CCNF: variants seen among roughly 807,000 people sequenced by gnomAD.
The protein encoded by CCNF is cyclin-F.
A neutral mutation model predicts 85.4 loss-of-function variants in CCNF; 30 were observed. That is an observed-to-expected ratio of 0.35 (90% CI 0.26 to 0.48). CCNF has a LOEUF of 0.48. Among genes scored for constraint, CCNF ranks in the 20% least tolerant of loss-of-function variants. The pLI is 0.99. For missense variants in CCNF, 919 were observed against 1,010.4 expected, an observed-to-expected ratio of 0.91 and a Z score of 1.23; for synonymous variants, 439 against 425.1, an observed-to-expected ratio of 1.03 and a Z score of -0.40.
chr16:2,448,571 T>C (rs1271688451), intron 10 of CCNF, among the ~76,000 whole-genome samples: 2 of 152,204 alleles, frequency 1.3e-5, no homozygotes, highest in South Asian at 2.1e-4. Flanking sequence ...CATGCTCTGC[T>C]AATTTTTTAT....
chr16:2,456,776 G>A lies in CCNF; in HGVS notation c.2117G>A (p.Ser706Asn), dbSNP rs1183865923. 2 of 1,613,294 alleles carry A rather than the reference G, an allele frequency of 1.2e-6. No individual in the cohort carries two copies. The highest frequency in any genetic ancestry group is 2.7e-5 in the African/African-American group (2 of 74,920). ...DVTTSGYSSV[S>N]TASPTSSVDG... Reference sequence around the variant, plus strand: ...ACGACCTCAGGGTACTCCTCCGTCAGCACCGCAAGTCCCACAAGCTCCGTG... The same window carrying A: ...ACGACCTCAGGGTACTCCTCCGTCAACACCGCAAGTCCCACAAGCTCCGTG... The change falls in exon 17 of 17, where the codon AGC becomes AAC. Residue 706 changes from serine (S) to asparagine (N), a missense_variant. By Grantham distance (46) the Ser-to-Asn change is conservative. Coordinates refer to ENST00000397066, the MANE Select transcript of CCNF (RefSeq NM_001761.3). The surrounding 1 kb of genome is among the most constrained non-coding windows in gnomAD (Gnocchi z 4.5).
chr16:2,447,614 G>A (rs1436792726), intron 10 of CCNF, among the ~76,000 whole-genome samples: 1 of 151,974 alleles, frequency 6.6e-6, no homozygotes, highest in Non-Finnish European at 1.5e-5. Flanking sequence ...AGCCAGACGT[G>A]GTAGTGGGCG....
At chr16:2,429,564 G>C in intron 1 of CCNF, 67 bp downstream of exon 1, 1 of 1,213,340 alleles carries the variant, frequency 8.2e-7, no homozygotes, top group Non-Finnish European at 1.0e-6. Flanking sequence ...CGGGGCGGAC[G>C]GTGGGTCCCG....
In CCNF at chr16:2,429,505, C is replaced by T. The variant is rs960671743; in HGVS notation, c.16+8C>T. On this transcript the variant is annotated splice_region_variant and intron_variant, in intron 1 of 16. Coordinates refer to ENST00000397066, the MANE Select transcript of CCNF (RefSeq NM_001761.3). ...CGATGGGGAGCGGCGGCGGTGAGTGCGGGGCGATGTCCGCTGGTTTCTGCC... is the reference window on the plus strand; with the variant it reads ...CGATGGGGAGCGGCGGCGGTGAGTGTGGGGCGATGTCCGCTGGTTTCTGCC... 3.3e-6 allele frequency: 4 copies of T among 1,230,634 alleles called. No homozygotes were observed. The highest frequency in any genetic ancestry group is 4.1e-6 in the Non-Finnish European group (4 of 986,530). The allele number at this position is 1,230,634 out of a possible 1,614,324, so 76.2% of individuals were successfully genotyped here.
At position 2,456,898 on chromosome 16, in the gene CCNF, T is replaced by C. The variant is rs1478350196; in HGVS notation, c.2239T>C (p.Cys747Arg). 1 of 1,614,086 alleles carries C rather than the reference T, an allele frequency of 6.2e-7. No homozygotes were observed. The highest frequency in any genetic ancestry group is 8.5e-7 in the Non-Finnish European group (1 of 1,180,014). The change falls in exon 17 of 17, where the codon TGT (cysteine) becomes CGT (arginine). Residue 747 changes from cysteine (C) to arginine (R), a missense_variant. Transcript: ENST00000397066. This position sits in a 1 kb window ranked among gnomAD's most constrained non-coding sequence, Gnocchi z 4.5. ...QPCHHQARKS[C>R]LQCRPPSPPE... ...CTGCCACCATCAGGCCAGGAAGTCATGTTTACAGTGTCGTCCCCCAAGTCC... is the reference window on the plus strand; with the variant it reads ...CTGCCACCATCAGGCCAGGAAGTCACGTTTACAGTGTCGTCCCCCAAGTCC...
intron 10 of CCNF, among the ~76,000 whole-genome samples, chr16:2,447,117 G>A (rs986067773): frequency 2.6e-5 from 4 of 152,066 alleles, no homozygotes; most frequent in Admixed American, 6.6e-5. Context: ...TGCAACCTAC[G>A]ACAAAGCTCC....
rs749297488 is a variant in CCNF, at chr16:2,438,189, C to T, written c.594+66C>T. 41 of 1,230,284 alleles carry T rather than the reference C, an allele frequency of 3.3e-5. No homozygotes were observed. In the East Asian group the frequency reaches 9.0e-4, roughly 27 times the overall value. The allele number at this position is 1,230,284 out of a possible 1,614,324, so 76.2% of individuals were successfully genotyped here. The stretch of plus-strand genomic sequence containing the variant: ...TACATCCCTAGCCGAGATCCTGGAA[C>T]TGAAAAGCAGCAGAAGGGGGTGTCC... On this transcript the variant is annotated intron_variant, in intron 6 of 16. Transcript: ENST00000397066.
chr16:2,429,754 A>ACGATCGGGTCCCGGGGCAGCGATCCGG lies in CCNF; in HGVS notation c.16+275_16+301dup, dbSNP rs1443514804. ...CGTTTTCCGGCCCTTTCCTGGGGCA[A>ACGATCGGGTCCCGGGGCAGCGATCCGG]CGATCGGGTCCCGGGGCAGCGATCC... is the stretch of plus-strand genomic sequence containing the variant. On this transcript the variant is annotated intron_variant, in intron 1 of 16. Coordinates refer to ENST00000397066, the MANE Select transcript of CCNF (RefSeq NM_001761.3). Among the ~76,000 whole-genome samples, 6 of 151,634 alleles carry ACGATCGGGTCCCGGGGCAGCGATCCGG rather than the reference A, an allele frequency of 4.0e-5. No individual in the cohort carries two copies. The South Asian group carries it at 6.2e-4, about 16-fold the overall frequency.
At chr16:2,443,320 A>G (rs2065342915) in intron 8 of CCNF, among the ~76,000 whole-genome samples, 1 of 151,364 alleles carries the variant, frequency 6.6e-6, no homozygotes, top group African/African-American at 2.4e-5. Flanking sequence ...AAACATTGGC[A>G]GAAGCCTTTC....
chr16:2,439,530 C>T (rs2141819076), intron 7 of CCNF, 73 bp downstream of exon 7: 9 of 1,184,218 alleles, frequency 7.6e-6, no homozygotes, highest in African/African-American at 1.5e-5. Flanking sequence ...TCCTTGGATG[C>T]GTTTCTGTCC....
chr16:2,456,509 G>A lies in CCNF; in HGVS notation c.1886-36G>A. On this transcript the variant is annotated intron_variant, in intron 16 of 16. Coordinates refer to ENST00000397066, the MANE Select transcript of CCNF (RefSeq NM_001761.3). The surrounding 1 kb of genome is among the most constrained non-coding windows in gnomAD (Gnocchi z 4.5). The stretch of plus-strand genomic sequence containing the variant: ...AGGGGGTCTCCCCTGATGCTTGGGT[G>A]TGACATGACTTCCCTCCCCACCAAC... 6.9e-7 allele frequency: 1 copy of A among 1,438,970 alleles called. No homozygotes were observed. The highest frequency in any genetic ancestry group is 9.3e-7 in the Non-Finnish European group (1 of 1,073,742). The allele number at this position is 1,438,970 out of a possible 1,614,324, so 89.1% of individuals were successfully genotyped here.
At chr16:2,454,749 G>A (rs1418010433) in intron 15 of CCNF, among the ~76,000 whole-genome samples, 3 of 152,192 alleles carry the variant, frequency 2.0e-5, no homozygotes, top group Non-Finnish European at 4.4e-5. Flanking sequence ...GCTAAGCACT[G>A]CCTGCACCTT....
Position 2,445,554 on chromosome 16 carries a change from G to A in CCNF, c.1026G>A (p.Leu342=). The change falls in exon 10 of 17, where the codon CTG becomes CTA. Residue 342 remains leucine, a synonymous_variant. Coordinates refer to ENST00000397066, the MANE Select transcript of CCNF (RefSeq NM_001761.3). ...CCGTGGAGTGTGTGGACCGGTACCTGCGGAGGAGGCTGGTGCCGCGGTACA... is the reference window on the plus strand; with the variant it reads ...CCGTGGAGTGTGTGGACCGGTACCTACGGAGGAGGCTGGTGCCGCGGTACA... ...HLTVECVDRY[L]RRRLVPRYRL... 6.2e-7 allele frequency: 1 copy of A among 1,614,048 alleles called. No individual in the cohort carries two copies. Among genetic ancestry groups the A allele is most frequent in the Non-Finnish European group, 8.5e-7 (1 of 1,180,014 alleles).
At chr16:2,432,590 C>G (rs2065268318) in intron 2 of CCNF, among the ~76,000 whole-genome samples, 1 of 152,200 alleles carries the variant, frequency 6.6e-6, no homozygotes, top group African/African-American at 2.4e-5. Context: ...CTCCCACTAG[C>G]AAGGCCTCCA....
Position 2,453,925 on chromosome 16 carries a change from C to G in CCNF, c.1715+388C>G, listed in dbSNP as rs373963885. Among the ~76,000 whole-genome samples, 63 of 152,312 alleles carry G rather than the reference C, an allele frequency of 4.1e-4. No individual in the cohort carries two copies. In the East Asian group the frequency reaches 8.9e-3, roughly 21 times the overall value. On this transcript the variant is annotated intron_variant, in intron 15 of 16. Transcript: ENST00000397066. The surrounding 1 kb of genome is among the most constrained non-coding windows in gnomAD (Gnocchi z 5.6). ...GCTGTGACCTGAGTCACATCCCCAG[C>G]ACTTCCCTCGCCACCCGTGTGGACC... is the stretch of plus-strand genomic sequence containing the variant.
In CCNF at chr16:2,453,609, T is replaced by A; in HGVS notation, c.1715+72T>A. On this transcript the variant is annotated intron_variant, in intron 15 of 16. Coordinates refer to ENST00000397066, the MANE Select transcript of CCNF (RefSeq NM_001761.3). This position sits in a 1 kb window ranked among gnomAD's most constrained non-coding sequence, Gnocchi z 5.6. ...CGTGCCGGCCCAGTTCCCTCAGCGC[T>A]TCCTCACACAGAGAGGCCCCCAAGG... 6.3e-7 allele frequency: 1 copy of A among 1,584,072 alleles called. No homozygotes were observed. The highest frequency in any genetic ancestry group is 8.6e-7 in the Non-Finnish European group (1 of 1,159,688).
intron 3 of CCNF, among the ~76,000 whole-genome samples, chr16:2,435,272 G>GAAAAAA (rs796446094): frequency 8.2e-6 from 1 of 122,500 alleles, no homozygotes; most frequent in African/African-American, 3.1e-5. Context: ...GAAAAGAAAA[G>GAAAAAA]AAAAAAAAAA....
At chr16:2,437,950 A>G in intron 5 of CCNF, 120 bp from the exon 6 acceptor site, 1 of 649,256 alleles carries the variant, frequency 1.5e-6, no homozygotes, top group Non-Finnish European at 2.9e-6. Flanking sequence ...GGCCCTCTGC[A>G]GGGGAGGGAG....
Position 2,438,107 on chromosome 16 carries a change from T to G in CCNF, c.578T>G (p.Val193Gly). The G allele has an allele frequency of 1.9e-6, 3 of 1,611,044 alleles. No homozygotes were observed. The highest frequency in any genetic ancestry group is 2.5e-6 in the Non-Finnish European group (3 of 1,177,310). Reference sequence around the variant, plus strand: ...TCCATATTGCACTGCTTGGGCAGAGTGCTGAGTCTGTTCGAGGTGAGTCAA... The same window carrying G: ...TCCATATTGCACTGCTTGGGCAGAGGGCTGAGTCTGTTCGAGGTGAGTCAA... The part of the protein sequence containing the change: ...KASILHCLGR[V>G]LSLFEDEEKQ... The change falls in exon 6 of 17, where the codon GTG (valine) becomes GGG (glycine). Residue 193 changes from valine to glycine, a missense_variant. Coordinates refer to ENST00000397066, the MANE Select transcript of CCNF (RefSeq NM_001761.3).
Sources: gnomAD v4.1 joint callset for allele counts (sites outside exome capture counted in the v4.1 genomes callset) on GRCh38, gnomAD v4.1.1 for gene constraint, Gnocchi (gnomAD v3.1) non-coding constraint, MANE v1.5 for transcripts, NCBI Gene and HGNC (gene_info 2026-07-23, HGNC 2026-07-21) for gene names.